CPEB3: variants seen among roughly 807,000 people sequenced by gnomAD.
CPEB3 encodes cytoplasmic polyadenylation element-binding protein 3.
CPEB3 carries 20 observed loss-of-function variants against 67.2 expected under a neutral mutation model. The observed-to-expected ratio is 0.30, with a 90% CI of 0.21 to 0.43. The LOEUF (loss-of-function observed/expected upper bound fraction) is 0.43. Ranked by LOEUF, CPEB3 falls within the 20% of genes least tolerant of loss-of-function variation. The pLI, the probability that CPEB3 is intolerant of heterozygous loss-of-function variation, is 1.00. For missense variants in CPEB3, 746 were observed against 968.6 expected (o/e 0.77, Z 3.05); for synonymous variants, 376 against 393.1 (o/e 0.96, Z 0.51).
intron 9 of CPEB3, among the ~76,000 whole-genome samples, chr10:92,071,070 T>TACACACACACAC (rs58497259): frequency 8.8e-5 from 13 of 147,716 alleles, no homozygotes; most frequent in African/African-American, 3.2e-4. Flanking sequence ...CACTTTCATT[T>TACACACACACAC]ACACACACAC....
intron 1 of CPEB3, among the ~76,000 whole-genome samples, chr10:92,261,001 G>GA (rs1195496348): frequency 2.6e-5 from 4 of 152,056 alleles, no homozygotes; most frequent in South Asian, 2.1e-4. Flanking sequence ...CTGAAGTAAT[G>GA]AAAAAAACCT....
chr10:92,068,750 A>T, intron 9 of CPEB3, among the ~76,000 whole-genome samples: 1 of 152,200 alleles, frequency 6.6e-6, no homozygotes, highest in Non-Finnish European at 1.5e-5. Flanking sequence ...AGGACGTGGA[A>T]GGAGAGCATG....
At chr10:92,289,718 C>CAAAAAAAAAAA (rs749285662) in intron 1 of CPEB3, among the ~76,000 whole-genome samples, 659 of 30,656 alleles carry the variant, frequency 0.021, 30 homozygotes, top group East Asian at 0.033. Context: ...GCGTCTCTAC[C>CAAAAAAAAAAA]AAAAAAAAAA....
chr10:92,092,728 C>T (rs897482265), intron 7 of CPEB3, among the ~76,000 whole-genome samples: 1 of 151,606 alleles, frequency 6.6e-6, no homozygotes, highest in African/African-American at 2.4e-5. Context: ...TGCAGTGAGC[C>T]GAGATCACGC....
chr10:92,226,045 C>T (rs1333176847), intron 2 of CPEB3, among the ~76,000 whole-genome samples: 2 of 152,056 alleles, frequency 1.3e-5, no homozygotes, highest in Non-Finnish European at 2.9e-5. Flanking sequence ...TGCAGTGAGC[C>T]GAGATTGCAC....
At chr10:92,268,094 G>A (rs1853141310) in intron 1 of CPEB3, among the ~76,000 whole-genome samples, 1 of 152,090 alleles carries the variant, frequency 6.6e-6, no homozygotes, top group South Asian at 2.1e-4. Context: ...GGGATTACAG[G>A]CCAGCCACCG....
At chr10:92,265,484 C>T (rs1268187436) in intron 1 of CPEB3, among the ~76,000 whole-genome samples, 2 of 152,038 alleles carry the variant, frequency 1.3e-5, no homozygotes, top group East Asian at 3.9e-4. Context: ...AGGGCGGGCA[C>T]GGTGGCTCAT....
intron 4 of CPEB3, among the ~76,000 whole-genome samples, chr10:92,168,660 T>G (rs1022764628): frequency 1.3e-5 from 2 of 152,236 alleles, no homozygotes; most frequent in East Asian, 3.9e-4. Flanking sequence ...AGCTTTCCCC[T>G]CTTTGCTTGG....
chr10:92,144,826 C>G, intron 5 of CPEB3, 119 bp downstream of exon 5: 3 of 810,448 alleles, frequency 3.7e-6, no homozygotes, highest in Admixed American at 2.2e-5. Flanking sequence ...ACCAAATAGT[C>G]TCACCTCCTA....
At chr10:92,195,930 T>G (rs111876060) in intron 2 of CPEB3, among the ~76,000 whole-genome samples, 2 of 152,314 alleles carry the variant, frequency 1.3e-5, no homozygotes, top group African/African-American at 4.8e-5. Flanking sequence ...AACTGCACAT[T>G]ACAATGTTTT....
intron 3 of CPEB3, among the ~76,000 whole-genome samples, chr10:92,182,844 A>G (rs1848521643): frequency 6.6e-6 from 1 of 151,300 alleles, no homozygotes; most frequent in South Asian, 2.1e-4. Flanking sequence ...AAAAAAAAAA[A>G]GAGGCAGGGA....
At chr10:92,155,864 G>C (rs572904897) in intron 4 of CPEB3, among the ~76,000 whole-genome samples, 2 of 152,136 alleles carry the variant, frequency 1.3e-5, no homozygotes, top group African/African-American at 4.8e-5. Context: ...AAAAGGATGA[G>C]TATTTTTTTC....
At chr10:92,133,783 T>C (rs1022699205) in intron 6 of CPEB3, among the ~76,000 whole-genome samples, 22 of 152,150 alleles carry the variant, frequency 1.4e-4, no homozygotes, top group African/African-American at 5.1e-4. Context: ...ACTGGCAAAC[T>C]GAATCCAGCA....
chr10:92,167,916 AT>A (rs200035906), intron 4 of CPEB3, among the ~76,000 whole-genome samples: 8 of 152,162 alleles, frequency 5.3e-5, no homozygotes, highest in African/African-American at 1.9e-4. Flanking sequence ...CTCAAAAAAA[AT>A]AAAATAAAAT....
intron 7 of CPEB3, among the ~76,000 whole-genome samples, chr10:92,093,920 T>C (rs1418945113): frequency 6.6e-6 from 1 of 152,186 alleles, no homozygotes; most frequent in African/African-American, 2.4e-5. Flanking sequence ...AGTGGCATGA[T>C]CTCGGCTCAC....
chr10:92,142,728 C>T (rs1020357755), intron 6 of CPEB3, among the ~76,000 whole-genome samples: 1 of 152,196 alleles, frequency 6.6e-6, no homozygotes, highest in Non-Finnish European at 1.5e-5. Context: ...CCATTGCTGA[C>T]ATTCCTCAAA....
intron 4 of CPEB3, among the ~76,000 whole-genome samples, chr10:92,162,480 G>T (rs1209458465): frequency 1.3e-5 from 2 of 151,946 alleles, no homozygotes; most frequent in Non-Finnish European, 2.9e-5. Context: ...TAGTTCATTG[G>T]TTATAAAAAT....
At chr10:92,171,813 C>T (rs1292271775) in intron 4 of CPEB3, among the ~76,000 whole-genome samples, 3 of 152,106 alleles carry the variant, frequency 2.0e-5, no homozygotes, top group Non-Finnish European at 4.4e-5. Context: ...TGGGGTTTCA[C>T]CATGGTGGCC....
chr10:92,115,389 T>C (rs909312934), intron 6 of CPEB3, among the ~76,000 whole-genome samples: 4 of 152,164 alleles, frequency 2.6e-5, no homozygotes, highest in African/African-American at 9.7e-5. Context: ...CCTGACCTTG[T>C]GATCCTTCAG....
Sources: gnomAD v4.1 joint callset for allele counts (sites outside exome capture counted in the v4.1 genomes callset) on GRCh38, gnomAD v4.1.1 for gene constraint, MANE v1.5 for transcripts, NCBI Gene and HGNC (gene_info 2026-07-23, HGNC 2026-07-21) for gene names.